The following ZBTB20 variants were observed in gnomAD, a reference collection of about 807,000 sequenced individuals.
The protein encoded by ZBTB20 is zinc finger and BTB domain-containing protein 20.
ZBTB20 carries 9 observed loss-of-function variants against 56.9 expected under a neutral mutation model. The ratio of observed to expected loss-of-function variants is 0.16; its 90% CI spans 0.10 to 0.28. The LOEUF (loss-of-function observed/expected upper bound fraction) is 0.28, where lower values mean the gene tolerates loss of function less well. Among genes scored for constraint, ZBTB20 ranks in the 10% least tolerant of loss-of-function variants. The pLI is 1.00. For synonymous variants in ZBTB20, 417 were observed against 420.7 expected (o/e 0.99, Z 0.11); for missense variants, 655 against 1,003.0 (o/e 0.65, Z 4.69).
At chr3:114,518,876 A>G (rs2046329135) in intron 6 of ZBTB20, 1 of 152,232 alleles carries the variant, frequency 6.6e-6, no homozygotes, top group Admixed American at 6.5e-5. Context: ...TTTAGAGGGT[A>G]GATGCCAGGG....
At chr3:114,519,629 G>A (rs1242374813) in intron 6 of ZBTB20, 2 of 152,164 alleles carry the variant, frequency 1.3e-5, no homozygotes, top group African/African-American at 4.8e-5. Context: ...TTGGTGTTGT[G>A]GCATGTTTCC....
chr3:114,851,137 A>G (rs2074981250), intron 4 of ZBTB20, among the ~76,000 whole-genome samples: 1 of 152,210 alleles, frequency 6.6e-6, no homozygotes, highest in Non-Finnish European at 1.5e-5. Context: ...ATGACTCAGT[A>G]AAGCAAATCA....
chr3:115,023,879 CATTT>C (rs1333548961), intron 2 of ZBTB20, among the ~76,000 whole-genome samples: 1 of 151,028 alleles, frequency 6.6e-6, no homozygotes, highest in Non-Finnish European at 1.5e-5. Context: ...CATAAAAGTT[CATTT>C]AAGATTTCAA....
intron 4 of ZBTB20, among the ~76,000 whole-genome samples, chr3:114,818,846 A>G (rs2073091164): frequency 6.6e-6 from 1 of 152,014 alleles, no homozygotes; most frequent in Non-Finnish European, 1.5e-5. Context: ...TAGGATATTA[A>G]ACAGGAATAA....
At chr3:115,080,946 T>C (rs1226463254) in intron 1 of ZBTB20, among the ~76,000 whole-genome samples, 1 of 152,034 alleles carries the variant, frequency 6.6e-6, no homozygotes, top group Non-Finnish European at 1.5e-5. Flanking sequence ...TGTGATAATA[T>C]CACATGCATA....
Position 114,727,627 on chromosome 3 carries a change from G to A in ZBTB20, c.-342-34052C>T, listed in dbSNP as rs150648570. On this transcript the variant is annotated intron_variant, in intron 5 of 11. Transcript: ENST00000675478. ...AGACTATTTTCTCATGCATAACTTC[G>A]AGGGCAGTATCTCACAAGTCAGTAC... Among the ~76,000 whole-genome samples the A allele has an allele frequency of 2.3e-3, 356 of 152,246 alleles. 3 individuals are homozygous for A. The highest frequency in any genetic ancestry group is 2.8e-3 in the Non-Finnish European group (192 of 68,016).
chr3:114,814,296 ATATAT>A (rs2072771194), intron 4 of ZBTB20, among the ~76,000 whole-genome samples: 1 of 149,914 alleles, frequency 6.7e-6, no homozygotes, highest in African/African-American at 2.4e-5. Context: ...TTATACATAA[ATATAT>A]TTATATTGTA....
intron 3 of ZBTB20, among the ~76,000 whole-genome samples, chr3:114,950,001 T>A (rs576086692): frequency 1.9e-4 from 29 of 152,250 alleles, no homozygotes; most frequent in Admixed American, 9.1e-4. Flanking sequence ...AAAAGACGCT[T>A]AATTTCACTA....
rs972916436 is a variant in ZBTB20, at chr3:114,338,423, C to G, written c.*582G>C. ...ACCGAACCCACTGCCCTTCCCACCC[C>G]CACAGCCCTTTTATGAAATCAGACA... On this transcript the variant is annotated 3_prime_UTR_variant, in exon 12 of 12. Transcript: ENST00000675478. The G allele has an allele frequency of 6.6e-6, 1 of 152,140 alleles. No individual in the cohort carries two copies. Among genetic ancestry groups the G allele is most frequent in the Non-Finnish European group, 1.5e-5 (1 of 68,048 alleles). The allele number at this position is 152,140 out of a possible 1,614,324, so 9.4% of individuals were successfully genotyped here.
chr3:114,863,568 A>T (rs2075632596), intron 4 of ZBTB20, among the ~76,000 whole-genome samples: 1 of 152,060 alleles, frequency 6.6e-6, no homozygotes. Context: ...AGGGCTAATG[A>T]CCTCATTTGA....
At chr3:114,499,805 G>A (rs574783860) in intron 7 of ZBTB20, among the ~76,000 whole-genome samples, 3 of 151,598 alleles carry the variant, frequency 2.0e-5, no homozygotes, top group South Asian at 2.1e-4. Flanking sequence ...TCTGGCACAC[G>A]TGAATCTGGG....
rs982137682 is a variant in ZBTB20 at position 114,338,669 on chromosome 3, CT to C, written c.*335del. 4 of 154,520 alleles carry C rather than the reference CT, an allele frequency of 2.6e-5. No homozygotes were observed. The highest frequency in any genetic ancestry group is 2.2e-4 in the South Asian group (1 of 4,590). The allele number at this position is 154,520 out of a possible 1,614,324, so 9.6% of individuals were successfully genotyped here. On this transcript the variant is annotated 3_prime_UTR_variant, in exon 12 of 12. Transcript: ENST00000675478. The stretch of plus-strand genomic sequence containing the variant: ...AGTGGAAATTTTTTTTTTTTTTTTA[CT>C]TTTTTTTAAAAGATTTTTTTGTAAA...
chr3:114,812,973 C>A (rs2072660757), intron 4 of ZBTB20, among the ~76,000 whole-genome samples: 1 of 150,232 alleles, frequency 6.7e-6, no homozygotes, highest in Non-Finnish European at 1.5e-5. Context: ...AGCCCACGCC[C>A]ACCCGGGACT....
chr3:114,381,890 A>G (rs1321000796), intron 8 of ZBTB20, among the ~76,000 whole-genome samples: 1 of 152,224 alleles, frequency 6.6e-6, no homozygotes, highest in Non-Finnish European at 1.5e-5. Context: ...AAGCCAATAC[A>G]AGAGAAGCAA....
At chr3:115,011,410 G>A (rs9859987) in intron 2 of ZBTB20, among the ~76,000 whole-genome samples, 1 of 151,592 alleles carries the variant, frequency 6.6e-6, no homozygotes. Context: ...AGCACCAAAA[G>A]AAATGTAACA....
rs986370122 is a variant in ZBTB20, at chr3:114,607,356, G to A, written c.-295+86172C>T. Among the ~76,000 whole-genome samples the A allele has an allele frequency of 4.7e-5, 7 of 148,750 alleles. No individual in the cohort carries two copies. In the East Asian group the frequency reaches 1.4e-3, roughly 30 times the overall value. Reference sequence around the variant, plus strand: ...TTGCTCTTGTTGCCCAGGTTGGAGTGCAATGGCATGATCTCGGCTCACTGC... The same window carrying A: ...TTGCTCTTGTTGCCCAGGTTGGAGTACAATGGCATGATCTCGGCTCACTGC... On this transcript the variant is annotated intron_variant, in intron 6 of 11. Coordinates refer to ENST00000675478, the MANE Select transcript of ZBTB20 (RefSeq NM_001348800.3).
At chr3:115,038,784 CTATA>C (rs761426761) in intron 2 of ZBTB20, among the ~76,000 whole-genome samples, 2 of 151,974 alleles carry the variant, frequency 1.3e-5, no homozygotes, top group African/African-American at 2.4e-5. Context: ...ATTCTAAAAA[CTATA>C]TACTACTATC....
At chr3:115,083,677 TC>T (rs1311995089) in intron 1 of ZBTB20, among the ~76,000 whole-genome samples, 7 of 152,006 alleles carry the variant, frequency 4.6e-5, no homozygotes, top group African/African-American at 1.4e-4. Context: ...ATGCTATAAT[TC>T]CAATTTTCTA....
intron 5 of ZBTB20, among the ~76,000 whole-genome samples, chr3:114,752,904 C>T (rs2067676073): frequency 6.6e-6 from 1 of 152,056 alleles, no homozygotes; most frequent in South Asian, 2.1e-4. Flanking sequence ...CCACTCAGTT[C>T]AATGAAAAAA....
Sources: allele counts gnomAD v4.1 joint callset (sites outside exome capture counted in the v4.1 genomes callset), GRCh38; gene constraint gnomAD v4.1.1; transcripts MANE v1.5; gene names NCBI Gene and HGNC (gene_info 2026-07-23, HGNC 2026-07-21).